The following CNTNAP4 variants were observed in gnomAD, a reference collection of about 807,000 sequenced individuals.
CNTNAP4 encodes contactin-associated protein-like 4.
CNTNAP4 carries 98 observed loss-of-function variants against 148.4 expected under a neutral mutation model. The observed-to-expected ratio is 0.66, with a 90% CI of 0.56 to 0.78. CNTNAP4 has a LOEUF of 0.78. CNTNAP4 is among the 30% of genes least tolerant of loss of function. CNTNAP4 has a pLI of 0.00. For synonymous variants in CNTNAP4, 730 were observed against 565.1 expected, an observed-to-expected ratio of 1.29 and a Z score of -4.14; for missense variants, 1,935 against 1,565.6, an observed-to-expected ratio of 1.24 and a Z score of -3.98.
chr16:76,479,551 G>C lies in CNTNAP4; in HGVS notation c.1882+13G>C. Reference sequence around the variant, plus strand: ...TGCAATATGACCGGTGAGTTAATCAGCTTTTATTTTACAGTTAAATTTGCA... The same window carrying C: ...TGCAATATGACCGGTGAGTTAATCACCTTTTATTTTACAGTTAAATTTGCA... On this transcript the variant is annotated intron_variant, in intron 12 of 23. Coordinates refer to ENST00000611870, the MANE Select transcript of CNTNAP4 (RefSeq NM_033401.5). 3 of 1,598,112 alleles carry C rather than the reference G, an allele frequency of 1.9e-6. No homozygotes were observed. Among genetic ancestry groups the C allele is most frequent in the South Asian group, 2.3e-5 (2 of 85,966 alleles).
chr16:76,557,122 A>T (rs1371444219), intron 23 of CNTNAP4, among the ~76,000 whole-genome samples: 1 of 152,320 alleles, frequency 6.6e-6, no homozygotes, highest in East Asian at 1.9e-4. Flanking sequence ...CACTGATCTT[A>T]TCAGAAAATT....
intron 3 of CNTNAP4, among the ~76,000 whole-genome samples, chr16:76,424,219 A>G (rs1597490057): frequency 2.0e-5 from 3 of 152,150 alleles, no homozygotes; most frequent in Non-Finnish European, 4.4e-5. Context: ...GCCACTGTGC[A>G]TCTTTTCTCC....
intron 2 of CNTNAP4, among the ~76,000 whole-genome samples, chr16:76,343,098 C>G (rs1458315456): frequency 6.6e-6 from 1 of 150,606 alleles, no homozygotes; most frequent in Non-Finnish European, 1.5e-5. Context: ...GAAGCATAAC[C>G]TATTTTTTTT....
chr16:76,330,937 GGATA>G (rs1408240853), intron 2 of CNTNAP4, among the ~76,000 whole-genome samples: 3 of 152,114 alleles, frequency 2.0e-5, no homozygotes, highest in African/African-American at 4.8e-5. Context: ...AAATAGTGCT[GGATA>G]GATCTGTAAA....
chr16:76,520,567 A>C (rs1160098546), intron 15 of CNTNAP4, among the ~76,000 whole-genome samples: 2 of 152,264 alleles, frequency 1.3e-5, no homozygotes, highest in South Asian at 2.1e-4. Context: ...TTTTCATGAG[A>C]ATGTCAGCTT....
intron 21 of CNTNAP4, among the ~76,000 whole-genome samples, chr16:76,549,842 T>C (rs1431204323): frequency 6.6e-6 from 1 of 151,988 alleles, no homozygotes; most frequent in African/African-American, 2.4e-5. Flanking sequence ...GGAGACCTAA[T>C]GTGAAAAATT....
At chr16:76,281,886 C>T (rs1446312567) in intron 1 of CNTNAP4, among the ~76,000 whole-genome samples, 1 of 151,650 alleles carries the variant, frequency 6.6e-6, no homozygotes, top group Non-Finnish European at 1.5e-5. Context: ...TATTAGTAAA[C>T]CTGCATGACA....
At chr16:76,546,523 C>T (rs561264624) in intron 21 of CNTNAP4, among the ~76,000 whole-genome samples, 3 of 152,276 alleles carry the variant, frequency 2.0e-5, no homozygotes, top group African/African-American at 4.8e-5. Flanking sequence ...TCACCAACTC[C>T]CATCACCCCC....
At chr16:76,438,423 A>G (rs2079914100) in intron 4 of CNTNAP4, among the ~76,000 whole-genome samples, 1 of 152,168 alleles carries the variant, frequency 6.6e-6, no homozygotes, top group Non-Finnish European at 1.5e-5. Context: ...TTTTACTGAA[A>G]TGCCACAAGG....
chr16:76,452,589 G>T lies in CNTNAP4; in HGVS notation c.1153G>T (p.Asp385Tyr), dbSNP rs751266058. The T allele has an allele frequency of 4.3e-6, 7 of 1,613,888 alleles. No homozygotes were observed. In the East Asian group the frequency reaches 1.6e-4, roughly 36 times the overall value. The change falls in exon 8 of 24, where the codon GAC becomes TAC. Residue 385 changes from aspartate (D) to tyrosine (Y), a missense_variant. Asp to Tyr is a radical substitution (Grantham distance 160). Coordinates refer to ENST00000611870, the MANE Select transcript of CNTNAP4 (RefSeq NM_033401.5). ...CTCCAGGAGTTATTTAGCACTGCCA[G>T]ACTTCTCTGGAGAGGAGGAGGTTTC... ...LSSRSYLALP[D>Y]FSGEEEVSAT...
At chr16:76,366,913 C>G (rs568287643) in intron 3 of CNTNAP4, among the ~76,000 whole-genome samples, 252 of 152,166 alleles carry the variant, frequency 1.7e-3, no homozygotes, top group African/African-American at 5.8e-3. Flanking sequence ...TATTATAAAG[C>G]TATTCATTCT....
intron 3 of CNTNAP4, among the ~76,000 whole-genome samples, chr16:76,409,075 T>C (rs995818896): frequency 2.6e-5 from 4 of 152,032 alleles, no homozygotes; most frequent in African/African-American, 9.7e-5. Context: ...CCTGGAAGAA[T>C]TCAAAGGAAA....
At chr16:76,452,795 A>G (rs779922957) in intron 8 of CNTNAP4, 26 bp downstream of exon 8, 21 of 1,505,930 alleles carry the variant, frequency 1.4e-5, no homozygotes, top group Non-Finnish European at 1.9e-5. Context: ...CCTGGGGCAA[A>G]GCATATGGAT....
intron 1 of CNTNAP4, among the ~76,000 whole-genome samples, chr16:76,311,133 A>G (rs947695140): frequency 1.3e-5 from 2 of 152,170 alleles, no homozygotes; most frequent in Non-Finnish European, 2.9e-5. Context: ...CAGATTAAGA[A>G]AATTGAATTA....
At chr16:76,365,836 A>G (rs1191449564) in intron 3 of CNTNAP4, among the ~76,000 whole-genome samples, 1 of 152,024 alleles carries the variant, frequency 6.6e-6, no homozygotes, top group African/African-American at 2.4e-5. Context: ...TAACAACAAA[A>G]TTAATTTTTA....
rs536753541 is a variant in CNTNAP4 at position 76,352,253 on chromosome 16, C to G, written c.197-3065C>G. ...AGTCTTTCAATTTCTAAAGTTTTGA[C>G]AGGGCCTGGAGGGAAAGAATAAAAT... is the stretch of plus-strand genomic sequence containing the variant. On this transcript the variant is annotated intron_variant, in intron 2 of 23. Coordinates refer to ENST00000611870, the MANE Select transcript of CNTNAP4 (RefSeq NM_033401.5). 7.9e-5 allele frequency among the ~76,000 whole-genome samples: 12 copies of G among 152,232 alleles called. No individual in the cohort carries two copies. The South Asian group carries it at 2.3e-3, about 29-fold the overall frequency.
chr16:76,365,205 G>A (rs1383212343), intron 3 of CNTNAP4, among the ~76,000 whole-genome samples: 1 of 152,110 alleles, frequency 6.6e-6, no homozygotes, highest in Non-Finnish European at 1.5e-5. Flanking sequence ...CGTTATTTCT[G>A]AGGCCTCTGT....
intron 8 of CNTNAP4, 108 bp from the exon 9 acceptor site, chr16:76,461,848 A>G (rs1220223355): frequency 2.5e-6 from 2 of 805,060 alleles, no homozygotes; most frequent in Non-Finnish European, 1.9e-6. Context: ...AATTAATAAT[A>G]GAGTTAAGTA....
rs770637612 is a variant in CNTNAP4, at chr16:76,539,814, A to G, written c.3316A>G (p.Ile1106Val). The G allele has an allele frequency of 2.5e-6, 4 of 1,602,004 alleles. No homozygotes were observed. The highest frequency in any genetic ancestry group is 1.7e-6 in the Non-Finnish European group (2 of 1,175,254). ...CATGGCTGATGGACAACTTCACCACATAATGATTAACAGAGAAGAAGGAGT... is the reference window on the plus strand; with the variant it reads ...CATGGCTGATGGACAACTTCACCACGTAATGATTAACAGAGAAGAAGGAGT... ...KNMADGQLHH[I>V]MINREEGVVF... Residue 1106 changes from isoleucine (I) to valine (V), a missense_variant, in exon 20 of 24, where the codon ATA (isoleucine) becomes GTA (valine). Coordinates refer to ENST00000611870, the MANE Select transcript of CNTNAP4 (RefSeq NM_033401.5).
Sources: allele counts gnomAD v4.1 joint callset (sites outside exome capture counted in the v4.1 genomes callset), GRCh38; gene constraint gnomAD v4.1.1; transcripts MANE v1.5; gene names NCBI Gene and HGNC (gene_info 2026-07-23, HGNC 2026-07-21).